The following ETFB variants were observed in gnomAD, a reference collection of about 807,000 sequenced individuals.
ETFB encodes electron transfer flavoprotein subunit beta.
ETFB carries 20 observed loss-of-function variants against 25.6 expected under a neutral mutation model. That is an observed-to-expected ratio of 0.78 (90% CI 0.55 to 1.14). The LOEUF (loss-of-function observed/expected upper bound fraction) is 1.14. Ranked by LOEUF, ETFB falls within the 50% of genes most tolerant of loss-of-function variation. ETFB has a pLI of 0.00. For synonymous variants in ETFB, 142 were observed against 146.7 expected (o/e 0.97, Z 0.23); for missense variants, 286 against 342.6 (o/e 0.83, Z 1.30).
Position 51,346,995 on chromosome 19 carries a change from C to A in ETFB, c.502G>T (p.Gly168Trp). 6.2e-7 allele frequency: 1 copy of A among 1,612,362 alleles called. No homozygotes were observed. Among genetic ancestry groups the A allele is most frequent in the East Asian group, 2.2e-5 (1 of 44,826 alleles). Reference protein sequence around the residue: ...DKLKVEREIDGGLETLRLKLP... With the variant: ...DKLKVEREIDWGLETLRLKLP... The stretch of plus-strand genomic sequence containing the variant: ...TTCAGGCGCAGGGTCTCCAGGCCCC[C>A]ATCGATCTCCCGCTCCACTTTCAAC... The change falls in exon 5 of 6, where the codon GGG becomes TGG. Residue 168 changes from glycine (G) to tryptophan (W), a missense_variant. Physicochemically the swap from Gly to Trp is radical, Grantham distance 184. Transcript: ENST00000309244.
Position 51,359,560 on chromosome 19 carries a change from G to A in ETFB, c.58-5252C>T, listed in dbSNP as rs115937187. On this transcript the variant is annotated intron_variant, in intron 1 of 5. Transcript: ENST00000309244. Reference sequence around the variant, plus strand: ...TTCCCAGGCTCCTGACTCCTGAGGAGAAAGGGTAAGAACTTTCCAGACACA... The same window carrying A: ...TTCCCAGGCTCCTGACTCCTGAGGAAAAAGGGTAAGAACTTTCCAGACACA... Among the ~76,000 whole-genome samples the A allele has an allele frequency of 6.0e-3, 916 of 151,834 alleles. 7 individuals carry two copies. Among genetic ancestry groups the A allele is most frequent in the African/African-American group, 0.021 (883 of 41,198 alleles).
chr19:51,358,833 A>ACAAC (rs528568403), intron 1 of ETFB, among the ~76,000 whole-genome samples: 2 of 83,088 alleles, frequency 2.4e-5, no homozygotes, highest in African/African-American at 7.7e-5. Context: ...AACAACAACA[A>ACAAC]AAAAAAAAAA....
chr19:51,347,330 G>A, intron 4 of ETFB: 1 of 495,712 alleles, frequency 2.0e-6, no homozygotes, highest in Non-Finnish European at 3.7e-6. Context: ...CATGTACTGA[G>A]TGCTGAGCCC....
At chr19:51,351,806 C>G (rs1985939625) in intron 3 of ETFB, among the ~76,000 whole-genome samples, 1 of 152,120 alleles carries the variant, frequency 6.6e-6, no homozygotes, top group Admixed American at 6.5e-5. Flanking sequence ...CAGAACTGAC[C>G]TGGCCCTGGG....
At chr19:51,358,856 A>G (rs1321665651) in intron 1 of ETFB, among the ~76,000 whole-genome samples, 2 of 150,200 alleles carry the variant, frequency 1.3e-5, no homozygotes, top group Non-Finnish European at 3.0e-5. Context: ...AAAAACAGCC[A>G]GGTATGGTGG....
In ETFB at chr19:51,346,829, A is replaced by G. The variant is rs1050495645; in HGVS notation, c.597+71T>C. 89 of 1,461,140 alleles carry G rather than the reference A, an allele frequency of 6.1e-5. No individual in the cohort carries two copies. In the African/African-American group the frequency reaches 9.5e-4, roughly 16 times the overall value. The allele number at this position is 1,461,140 out of a possible 1,614,324, so 90.5% of individuals were successfully genotyped here. A position where few individuals can be genotyped will look rare whatever the true frequency, so the allele number is the denominator to read the frequency against. ...GATCCTTCCCTCCCCACGTGCGACC[A>G]CCGGGGGGCACTGGGCTGGCAATGT... On this transcript the variant is annotated intron_variant, in intron 5 of 5. Coordinates refer to ENST00000309244, the MANE Select transcript of ETFB (RefSeq NM_001985.3).
rs1599838569 is a variant in ETFB, at chr19:51,346,983, T to G, written c.514A>C (p.Thr172Pro). The part of the protein sequence containing the change: ...VEREIDGGLE[T>P]LRLKLPAVVT... ...ACAGCTGGCAGCTTCAGGCGCAGGGTCTCCAGGCCCCCATCGATCTCCCGC... is the reference window on the plus strand; with the variant it reads ...ACAGCTGGCAGCTTCAGGCGCAGGGGCTCCAGGCCCCCATCGATCTCCCGC... The change falls in exon 5 of 6, where the codon ACC (threonine) becomes CCC (proline). Residue 172 changes from threonine (T) to proline (P), a missense_variant. Thr to Pro is a conservative substitution (Grantham distance 38, BLOSUM62 -1). Coordinates refer to ENST00000309244, the MANE Select transcript of ETFB (RefSeq NM_001985.3). 6.2e-7 allele frequency: 1 copy of G among 1,610,004 alleles called. No individual in the cohort carries two copies. The highest frequency in any genetic ancestry group is 8.5e-7 in the Non-Finnish European group (1 of 1,178,488).
chr19:51,360,353 G>A (rs188406249), intron 1 of ETFB, among the ~76,000 whole-genome samples: 158 of 148,586 alleles, frequency 1.1e-3, no homozygotes, highest in African/African-American at 3.8e-3. Flanking sequence ...AGTGAGCAGG[G>A]ATCACATCAA....
intron 5 of ETFB, chr19:51,345,595 A>T: frequency 1.7e-6 from 1 of 603,666 alleles, no homozygotes; most frequent in Non-Finnish European, 3.0e-6. Context: ...CAACTACTGC[A>T]GCAGTCCTCC....
At chr19:51,364,549 G>C (rs1489615692) in intron 1 of ETFB, among the ~76,000 whole-genome samples, 1 of 152,176 alleles carries the variant, frequency 6.6e-6, no homozygotes, top group Non-Finnish European at 1.5e-5. Flanking sequence ...TGGGGGAGAC[G>C]GATCCAATCC....
chr19:51,352,432 C>G (rs1482377905), intron 3 of ETFB, among the ~76,000 whole-genome samples: 1 of 152,086 alleles, frequency 6.6e-6, no homozygotes, highest in Non-Finnish European at 1.5e-5. Context: ...ACCTGTGTTA[C>G]CAAGGCAGAC....
At chr19:51,353,005 C>A in intron 3 of ETFB, 127 bp downstream of exon 3, 1 of 1,185,326 alleles carries the variant, frequency 8.4e-7, no homozygotes, top group South Asian at 1.2e-5. Context: ...AGCAAAGTCC[C>A]AAGCTGCTCA....
intron 1 of ETFB, among the ~76,000 whole-genome samples, chr19:51,364,249 C>G (rs1356178741): frequency 6.6e-6 from 1 of 152,002 alleles, no homozygotes; most frequent in Non-Finnish European, 1.5e-5. Flanking sequence ...GAGGGTGGGA[C>G]AGTACCCAGG....
At chr19:51,365,142 CAA>C (rs940944302) in intron 1 of ETFB, 15 of 152,136 alleles carry the variant, frequency 9.9e-5, no homozygotes, top group African/African-American at 3.1e-4. Context: ...TGCAGTGAGC[CAA>C]GACTGCGCCA....
intron 4 of ETFB, chr19:51,347,612 C>T (rs1429052511): frequency 6.4e-6 from 1 of 155,556 alleles, no homozygotes; most frequent in African/African-American, 2.4e-5. Context: ...TAGCCAGGTC[C>T]CTTTGCCTCT....
chr19:51,352,987 G>A (rs985047818), intron 3 of ETFB, 145 bp downstream of exon 3: 5 of 972,310 alleles, frequency 5.1e-6, no homozygotes, highest in African/African-American at 3.2e-5. Flanking sequence ...CTCTCTGTCA[G>A]AAGGGTCAGC....
chr19:51,362,407 G>A (rs937373798), intron 1 of ETFB, among the ~76,000 whole-genome samples: 2 of 151,806 alleles, frequency 1.3e-5, no homozygotes, highest in East Asian at 1.9e-4. Context: ...GCAAAACCTC[G>A]TTTCTACTAA....
intron 1 of ETFB, among the ~76,000 whole-genome samples, chr19:51,361,489 T>G (rs1051584282): frequency 1.3e-5 from 2 of 152,124 alleles, no homozygotes; most frequent in Non-Finnish European, 1.5e-5. Flanking sequence ...AAGGTGGCCT[T>G]GCTGAGAGCA....
intron 4 of ETFB, among the ~76,000 whole-genome samples, chr19:51,349,578 T>A (rs1421245048): frequency 6.6e-6 from 1 of 151,832 alleles, no homozygotes; most frequent in Non-Finnish European, 1.5e-5. Flanking sequence ...CTCCTGAGGC[T>A]GGTACTACAG....
Sources: gnomAD v4.1 joint callset for allele counts (sites outside exome capture counted in the v4.1 genomes callset) on GRCh38, gnomAD v4.1.1 for gene constraint, MANE v1.5 for transcripts, NCBI Gene and HGNC (gene_info 2026-07-23, HGNC 2026-07-21) for gene names.